Variants in ZNF730 observed in about 807,000 individuals in gnomAD.
The protein encoded by ZNF730 is zinc finger protein 730.
ZNF730 carries 12 observed loss-of-function variants against 12.6 expected under a neutral mutation model. That is an observed-to-expected ratio of 0.95 (90% CI 0.61 to 1.54). ZNF730 has a LOEUF of 1.54. Among genes scored for constraint, ZNF730 ranks in the 40% most tolerant of loss-of-function variants. The pLI is 0.00. For synonymous variants in ZNF730, 194 were observed against 195.8 expected, an observed-to-expected ratio of 0.99 and a Z score of 0.08; for missense variants, 643 against 583.5, an observed-to-expected ratio of 1.10 and a Z score of -1.05.
At chr19:23,140,065 ATG>A (rs149378177) in intron 3 of ZNF730, among the ~76,000 whole-genome samples, 26 of 149,692 alleles carry the variant, frequency 1.7e-4, no homozygotes, top group Middle Eastern at 3.5e-3. Flanking sequence ...CAATCAGATT[ATG>A]TGTGTGTGTG....
At chr19:23,144,210 T>G (rs1389006104) in intron 3 of ZNF730, 3 of 152,194 alleles carry the variant, frequency 2.0e-5, no homozygotes. Context: ...GTTTTGTATA[T>G]ATTGTAATCT....
rs1263340384 is a variant in ZNF730 at position 23,146,637 on chromosome 19, C to G, written c.*81C>G. The G allele has an allele frequency of 1.9e-6, 3 of 1,562,544 alleles. No individual in the cohort carries two copies. The African/African-American group carries it at 4.1e-5, about 21-fold the overall frequency. The stretch of plus-strand genomic sequence containing the variant: ...AGATAATTCATACTGAAGAGAAACC[C>G]TACAAATGTGAAGAATGTGGCAAAG... On this transcript the variant is annotated 3_prime_UTR_variant, in exon 4 of 4. Coordinates refer to ENST00000597761, the MANE Select transcript of ZNF730 (RefSeq NM_001277403.2).
At chr19:23,127,528 G>T in intron 1 of ZNF730, 6 of 917,690 alleles carry the variant, frequency 6.5e-6, no homozygotes, top group Non-Finnish European at 1.1e-5. Flanking sequence ...GTGGAATGAT[G>T]TAACCTGCAT....
chr19:23,083,690 G>A (rs533145176), intron 1 of ZNF730, among the ~76,000 whole-genome samples: 2 of 151,396 alleles, frequency 1.3e-5, no homozygotes, highest in South Asian at 2.1e-4. Flanking sequence ...TTTATGTTGA[G>A]CATCTTTTTA....
chr19:23,095,194 G>A (rs1319599722), intron 1 of ZNF730: 6 of 394,224 alleles, frequency 1.5e-5, no homozygotes, highest in Non-Finnish European at 2.2e-5. Flanking sequence ...TGCCCACAGA[G>A]GACATAGTGA....
intron 1 of ZNF730, chr19:23,100,116 C>T (rs1490302362): frequency 2.6e-5 from 4 of 152,164 alleles, no homozygotes; most frequent in Non-Finnish European, 5.9e-5. Flanking sequence ...ACCCTGTCTA[C>T]AGAAGTCATT....
At chr19:23,079,690 G>A (rs1271749583) in intron 1 of ZNF730, among the ~76,000 whole-genome samples, 2 of 152,120 alleles carry the variant, frequency 1.3e-5, no homozygotes, top group African/African-American at 4.8e-5. Flanking sequence ...GTGCAGTCCT[G>A]TTGTTTTCCA....
At chr19:23,086,394 C>T (rs1236289414) in intron 1 of ZNF730, among the ~76,000 whole-genome samples, 1 of 152,140 alleles carries the variant, frequency 6.6e-6, no homozygotes, top group Non-Finnish European at 1.5e-5. Flanking sequence ...TGTCCTGAAT[C>T]ATGTTACCTA....
intron 1 of ZNF730, among the ~76,000 whole-genome samples, chr19:23,076,305 T>G (rs1969859544): frequency 6.6e-6 from 1 of 152,132 alleles, no homozygotes; most frequent in African/African-American, 2.4e-5. Flanking sequence ...ACATTTCACA[T>G]GAGAAAAATG....
Position 23,146,280 on chromosome 19 carries a change from T to C in ZNF730, c.1236T>C (p.Thr412=). 1.2e-6 allele frequency: 2 copies of C among 1,613,532 alleles called. No individual in the cohort carries two copies. ...CCTTTAGCCGTATCTCACACCTTAC[T>C]ACACATAAGAGAATTCATACTGGAG... ...GKAFSRISHL[T]THKRIHTGEK... is the part of the protein sequence containing the mutation. Residue 412 remains threonine (T), a synonymous_variant, in exon 4 of 4, where the codon ACT becomes ACC. Coordinates refer to ENST00000597761, the MANE Select transcript of ZNF730 (RefSeq NM_001277403.2).
chr19:23,087,994 G>T (rs1374004943), intron 1 of ZNF730, among the ~76,000 whole-genome samples: 2 of 151,834 alleles, frequency 1.3e-5, no homozygotes, highest in African/African-American at 4.8e-5. Flanking sequence ...TGATGAAAGA[G>T]GGCATCCTTG....
chr19:23,089,462 G>T (rs1970119466), intron 1 of ZNF730, among the ~76,000 whole-genome samples: 1 of 152,116 alleles, frequency 6.6e-6, no homozygotes, highest in South Asian at 2.1e-4. Flanking sequence ...ATTCCCATGT[G>T]TTATGGGAGG....
chr19:23,108,534 C>T (rs1329346654), intron 1 of ZNF730, among the ~76,000 whole-genome samples: 1 of 152,212 alleles, frequency 6.6e-6, no homozygotes, highest in African/African-American at 2.4e-5. Context: ...TACTCAAATA[C>T]TTTGCTAAAC....
At chr19:23,112,733 A>G (rs1415225142), upstream of ZNF730, among the ~76,000 whole-genome samples, 2 of 96,864 alleles carry the variant, frequency 2.1e-5, no homozygotes, top group African/African-American at 6.1e-5. Context: ...AAAAAAATAG[A>G]AGAAAAAAAA....
chr19:23,112,262 A>G (rs894328025), upstream of ZNF730, among the ~76,000 whole-genome samples: 4 of 152,226 alleles, frequency 2.6e-5, no homozygotes, highest in African/African-American at 9.6e-5. Context: ...AATAAGATCA[A>G]AAATCAAGAC....
chr19:23,146,892 T>C lies in ZNF730; in HGVS notation c.*336T>C. 1.7e-6 allele frequency: 1 copy of C among 576,440 alleles called. No individual in the cohort carries two copies. The allele number at this position is 576,440 out of a possible 1,614,324, so 35.7% of individuals were successfully genotyped here. A position where few individuals can be genotyped will look rare whatever the true frequency, so the allele number is the denominator to read the frequency against. On this transcript the variant is annotated 3_prime_UTR_variant, in exon 4 of 4. Coordinates refer to ENST00000597761, the MANE Select transcript of ZNF730 (RefSeq NM_001277403.2). The stretch of plus-strand genomic sequence containing the variant: ...ATACCAGAGAGAAACTCTACAAACC[T>C]GAAAGTTTTAACAGTGCTTTTGACA...
chr19:23,099,195 C>G (rs1156789671), intron 1 of ZNF730, among the ~76,000 whole-genome samples: 1 of 152,152 alleles, frequency 6.6e-6, no homozygotes, highest in East Asian at 1.9e-4. Context: ...GAGATGGTGA[C>G]TCATTTCTAA....
chr19:23,127,803 C>G, intron 1 of ZNF730: 1 of 722,156 alleles, frequency 1.4e-6, no homozygotes, highest in Non-Finnish European at 2.5e-6. Context: ...CCTGGCTGCT[C>G]CACAGGATGA....
chr19:23,103,333 A>G (rs948705684), intron 1 of ZNF730, among the ~76,000 whole-genome samples: 7 of 152,250 alleles, frequency 4.6e-5, no homozygotes, highest in South Asian at 2.1e-4. Flanking sequence ...AAGGTACTAC[A>G]TGGTTTTTCT....
Sources: allele counts gnomAD v4.1 joint callset (sites outside exome capture counted in the v4.1 genomes callset), GRCh38; gene constraint gnomAD v4.1.1; transcripts MANE v1.5; gene names NCBI Gene and HGNC (gene_info 2026-07-23, HGNC 2026-07-21).